TRAM2: variants seen among roughly 807,000 people sequenced by gnomAD.
The protein encoded by TRAM2 is translocating chain-associated membrane protein 2.
Under a neutral mutation model 51.0 loss-of-function variants are expected in TRAM2, and 12 were observed. The ratio of observed to expected loss-of-function variants is 0.24; its 90% confidence interval spans 0.15 to 0.38. The LOEUF (loss-of-function observed/expected upper bound fraction) is 0.38, where lower values mean the gene tolerates loss of function less well. Among genes scored for constraint, TRAM2 ranks in the 10% least tolerant of loss-of-function variants. TRAM2 has a pLI of 1.00. For synonymous variants in TRAM2, 175 were observed against 179.4 expected, an observed-to-expected ratio of 0.98 and a Z score of 0.20; for missense variants, 361 against 462.0, an observed-to-expected ratio of 0.78 and a Z score of 2.00.
chr6:52,547,752 G>A (rs765401417), intron 1 of TRAM2, among the ~76,000 whole-genome samples: 9 of 152,220 alleles, frequency 5.9e-5, no homozygotes, highest in Non-Finnish European at 8.8e-5. Flanking sequence ...GGGGTGGAGG[G>A]CCACGGGAGG....
At chr6:52,558,996 C>G (rs990222529) in intron 1 of TRAM2, among the ~76,000 whole-genome samples, 4 of 152,218 alleles carry the variant, frequency 2.6e-5, no homozygotes, top group African/African-American at 9.6e-5. Context: ...GTTCAAGAAC[C>G]TGTGCCTTCC....
At chr6:52,535,948 C>A in intron 1 of TRAM2, 102 bp from the exon 2 acceptor site, 1 of 933,698 alleles carries the variant, frequency 1.1e-6, no homozygotes. Flanking sequence ...ACCCTCAAAC[C>A]TCTTGACTGA....
chr6:52,552,151 T>G (rs1053241806), intron 1 of TRAM2, among the ~76,000 whole-genome samples: 1 of 152,222 alleles, frequency 6.6e-6, no homozygotes, highest in Admixed American at 6.5e-5. Flanking sequence ...AGGGCACAGA[T>G]AGCCAGCAGT....
chr6:52,501,195 T>C lies in TRAM2; in HGVS notation c.*2002A>G, dbSNP rs1452296834. The C allele has an allele frequency of 6.6e-6, 1 of 152,126 alleles. No homozygotes were observed. The highest frequency in any genetic ancestry group is 1.9e-4 in the East Asian group (1 of 5,194). 9.4% of individuals were successfully genotyped at this position (152,126 alleles called of 1,614,324 possible). A position where few individuals can be genotyped will look rare whatever the true frequency, so the allele number is the denominator to read the frequency against. On this transcript the variant is annotated 3_prime_UTR_variant, in exon 11 of 11. Transcript: ENST00000182527. ...GAAGGAGAGGGAGAAATGGGGGAAA[T>C]ACATATTTTCAAAAACACTGTCTCA...
intron 7 of TRAM2, among the ~76,000 whole-genome samples, chr6:52,506,670 T>C (rs1210094719): frequency 6.6e-6 from 1 of 152,168 alleles, no homozygotes; most frequent in African/African-American, 2.4e-5. Flanking sequence ...CCGTTATGCA[T>C]GTGACACATG....
intron 1 of TRAM2, among the ~76,000 whole-genome samples, chr6:52,549,956 G>A (rs1767279784): frequency 6.6e-6 from 1 of 152,112 alleles, no homozygotes; most frequent in South Asian, 2.1e-4. Flanking sequence ...GTTTAGCTTT[G>A]CCACCCTTTG....
rs529879077 is a variant in TRAM2, at chr6:52,509,463, C to T, written c.470+65G>A. 112 of 1,536,062 alleles carry T rather than the reference C, an allele frequency of 7.3e-5. No homozygotes were observed. The East Asian group carries it at 1.6e-3, about 22-fold the overall frequency. On this transcript the variant is annotated intron_variant, in intron 5 of 10. Transcript: ENST00000182527. ...GGCCTGTGGTGTTCTGGCCACACTC[C>T]GCTGGGACAGGAAGGCAGTGGGCCC... is the stretch of plus-strand genomic sequence containing the variant.
At chr6:52,566,125 G>A (rs9474247) in intron 1 of TRAM2, among the ~76,000 whole-genome samples, 3 of 152,196 alleles carry the variant, frequency 2.0e-5, no homozygotes, top group East Asian at 1.9e-4. Context: ...AAAGCCATAC[G>A]AAGGCAATGC....
intron 2 of TRAM2, 75 bp from the exon 3 acceptor site, chr6:52,516,812 T>G: frequency 1.8e-6 from 2 of 1,116,994 alleles, no homozygotes; most frequent in Non-Finnish European, 2.7e-6. Flanking sequence ...TGAAATGAGA[T>G]GGGAGGCGAA....
chr6:52,503,994 C>T (rs1210954005), intron 10 of TRAM2, among the ~76,000 whole-genome samples: 4 of 152,130 alleles, frequency 2.6e-5, no homozygotes, highest in African/African-American at 7.2e-5. Flanking sequence ...AAAGCAGCGC[C>T]CAGTGCAGAC....
intron 1 of TRAM2, among the ~76,000 whole-genome samples, chr6:52,568,745 T>C (rs1767629707): frequency 6.6e-6 from 1 of 152,240 alleles, no homozygotes; most frequent in African/African-American, 2.4e-5. Flanking sequence ...ACAGCCTCTT[T>C]TTAAAAGTCT....
At chr6:52,575,813 G>A (rs186795767) in intron 1 of TRAM2, among the ~76,000 whole-genome samples, 60 of 152,302 alleles carry the variant, frequency 3.9e-4, no homozygotes, top group Middle Eastern at 3.4e-3. Context: ...GGGGAATGTC[G>A]CTCACATATC....
chr6:52,544,068 G>A (rs1767152624), intron 1 of TRAM2, among the ~76,000 whole-genome samples: 1 of 152,178 alleles, frequency 6.6e-6, no homozygotes, highest in African/African-American at 2.4e-5. Context: ...CTAGGCACGT[G>A]GATTAGAGCC....
At chr6:52,513,176 TTCAA>T (rs1766481324) in intron 4 of TRAM2, among the ~76,000 whole-genome samples, 1 of 152,222 alleles carries the variant, frequency 6.6e-6, no homozygotes, top group African/African-American at 2.4e-5. Flanking sequence ...AGAGAAATGT[TTCAA>T]TCAAACACCA....
At chr6:52,519,318 T>G (rs2114073115) in intron 2 of TRAM2, among the ~76,000 whole-genome samples, 1 of 152,298 alleles carries the variant, frequency 6.6e-6, no homozygotes, top group South Asian at 2.1e-4. Context: ...GACAAAGTTC[T>G]TGAAGAGACA....
At chr6:52,576,752 C>T in intron 1 of TRAM2, 44 bp downstream of exon 1, 1 of 1,602,026 alleles carries the variant, frequency 6.2e-7, no homozygotes, top group Non-Finnish European at 8.5e-7. Context: ...CGGTGCACGA[C>T]AGGGGGCACT....
intron 1 of TRAM2, among the ~76,000 whole-genome samples, chr6:52,562,627 G>A (rs1417062679): frequency 2.0e-5 from 3 of 152,118 alleles, no homozygotes; most frequent in Non-Finnish European, 4.4e-5. Flanking sequence ...TGTTACATAG[G>A]TGTACACATG....
chr6:52,520,420 G>A (rs970918908), intron 2 of TRAM2, among the ~76,000 whole-genome samples: 3 of 152,230 alleles, frequency 2.0e-5, no homozygotes, highest in Non-Finnish European at 2.9e-5. Flanking sequence ...CAGTCAGAAG[G>A]TGCCCGTGGG....
chr6:52,520,401 C>T (rs887096074), intron 2 of TRAM2, among the ~76,000 whole-genome samples: 2 of 152,202 alleles, frequency 1.3e-5, no homozygotes, highest in Non-Finnish European at 2.9e-5. Context: ...AGGCTGGAAG[C>T]CAGGAGAGCA....
Sources: gnomAD v4.1 joint callset for allele counts (sites outside exome capture counted in the v4.1 genomes callset) on GRCh38, gnomAD v4.1.1 for gene constraint, MANE v1.5 for transcripts, NCBI Gene and HGNC (gene_info 2026-07-23, HGNC 2026-07-21) for gene names.